Variants in CNOT9 observed in about 807,000 individuals in gnomAD.
The protein encoded by CNOT9 is CCR4-NOT transcription complex subunit 9, also known as RCD1 required for cell differentiation1 homolog.
CNOT9 carries 8 observed loss-of-function variants against 37.4 expected under a neutral mutation model. The observed-to-expected ratio is 0.21, with a 90% CI of 0.13 to 0.39. The LOEUF (loss-of-function observed/expected upper bound fraction) is 0.39. Among genes scored for constraint, CNOT9 ranks in the 10% least tolerant of loss-of-function variants. The probability of loss-of-function intolerance (pLI) is 1.00; values close to 1 mark genes in which losing one functional copy is unlikely to be tolerated. For missense variants in CNOT9, 154 were observed against 365.3 expected, an observed-to-expected ratio of 0.42 and a Z score of 4.71; for synonymous variants, 120 against 137.6, an observed-to-expected ratio of 0.87 and a Z score of 0.90.
chr2:218,578,127 C>T (rs1253814868), intron 1 of CNOT9, among the ~76,000 whole-genome samples: 2 of 152,182 alleles, frequency 1.3e-5, no homozygotes, highest in African/African-American at 2.4e-5. Flanking sequence ...AAAAAGCTAC[C>T]ATATTCCTTC....
At position 218,569,687 on chromosome 2, in the gene CNOT9, A is replaced by G. The variant is rs1002778642; in HGVS notation, c.24+709A>G. 2.6e-5 allele frequency among the ~76,000 whole-genome samples: 4 copies of G among 152,182 alleles called. No homozygotes were observed. In the South Asian group the frequency reaches 8.3e-4, roughly 32 times the overall value. On this transcript the variant is annotated intron_variant, in intron 1 of 7. Coordinates refer to ENST00000273064, the MANE Select transcript of CNOT9 (RefSeq NM_005444.3). ...GTCTCTTGCTCCTAAAGCTTCAGCT[A>G]CTCTGGCCACCTAACCCTCTGCAAC...
intron 1 of CNOT9, among the ~76,000 whole-genome samples, chr2:218,577,655 G>C (rs1442012558): frequency 6.6e-6 from 1 of 152,190 alleles, no homozygotes; most frequent in African/African-American, 2.4e-5. Context: ...GAATATGTAG[G>C]GATGGGGCCT....
At chr2:218,591,034 G>C (rs1293393597) in intron 5 of CNOT9, among the ~76,000 whole-genome samples, 4 of 151,970 alleles carry the variant, frequency 2.6e-5, no homozygotes, top group Non-Finnish European at 5.9e-5. Context: ...TACATTTAAG[G>C]CCTACTTGGA....
At chr2:218,593,510 A>C (rs1201584268) in intron 7 of CNOT9, 59 of 1,454,066 alleles carry the variant, frequency 4.1e-5, no homozygotes, top group Non-Finnish European at 5.2e-5. Context: ...ACACATAGTT[A>C]ACATTTACCT....
rs57839540 is a variant in CNOT9, at chr2:218,595,404, C to CTTTTTTTTTTTTTTTTTTTTTTTTTT, written c.*1131_*1156dup. On this transcript the variant is annotated 3_prime_UTR_variant, in exon 8 of 8. Coordinates refer to ENST00000273064, the MANE Select transcript of CNOT9 (RefSeq NM_005444.3). ...GAGGGCTGGGTTCTGCTCACTCAGT[C>CTTTTTTTTTTTTTTTTTTTTTTTTTT]TTTTTTTTTTTTTTTTTTTTTTTTT... 46 of 50,940 alleles carry CTTTTTTTTTTTTTTTTTTTTTTTTTT rather than the reference C, an allele frequency of 9.0e-4. 8 individuals are homozygous for CTTTTTTTTTTTTTTTTTTTTTTTTTT. The highest frequency in any genetic ancestry group is 3.2e-3 in the East Asian group (3 of 944). The allele number at this position is 50,940 out of a possible 1,614,324, so 3.2% of individuals were successfully genotyped here. A position where few individuals can be genotyped will look rare whatever the true frequency, so the allele number is the denominator to read the frequency against.
At position 218,568,899 on chromosome 2, in the gene CNOT9, G is replaced by C. The variant is rs8192611; in HGVS notation, c.-56G>C. On this transcript the variant is annotated 5_prime_UTR_variant, in exon 1 of 8. Transcript: ENST00000273064. ...GTTTTCCGCTGCAGGGGTGCTGAAG[G>C]GGGGACGCGGGTCGGACGCGTCCGG... The C allele has an allele frequency of 1.4e-3, 2,262 of 1,585,974 alleles. 1 individual carries two copies. The highest frequency in any genetic ancestry group is 1.6e-3 in the Non-Finnish European group (1,889 of 1,165,028).
rs1382728496 is a variant in CNOT9 at position 218,568,972 on chromosome 2, G to A, written c.18G>A (p.Thr6=). 6.2e-7 allele frequency: 1 copy of A among 1,611,246 alleles called. No homozygotes were observed. Among genetic ancestry groups the A allele is most frequent in the Non-Finnish European group, 8.5e-7 (1 of 1,178,818 alleles). Residue 6 remains threonine, a synonymous_variant, in exon 1 of 8, where the codon ACG becomes ACA. Coordinates refer to ENST00000273064, the MANE Select transcript of CNOT9 (RefSeq NM_005444.3). MHSLA[T]AAPVPTTLAQ... ...CTCACAACATGCACAGCCTGGCGACGGCTGCGGTGAGTGGCTGGGCCCCCA... is the reference window on the plus strand; with the variant it reads ...CTCACAACATGCACAGCCTGGCGACAGCTGCGGTGAGTGGCTGGGCCCCCA...
In CNOT9 at chr2:218,595,831, A is replaced by C. The variant is rs2106103227; in HGVS notation, c.*1555A>C. Reference sequence around the variant, plus strand: ...AGCCGACTTTCACAAAGAGAGCCGGACTTGTTAGTTGGCTTCTGTCTCTTT... The same window carrying C: ...AGCCGACTTTCACAAAGAGAGCCGGCCTTGTTAGTTGGCTTCTGTCTCTTT... On this transcript the variant is annotated 3_prime_UTR_variant, in exon 8 of 8. Transcript: ENST00000273064. The C allele has an allele frequency of 6.6e-6, 1 of 152,156 alleles. No individual in the cohort carries two copies. The highest frequency in any genetic ancestry group is 1.9e-4 in the East Asian group (1 of 5,182). The allele number at this position is 152,156 out of a possible 1,614,324, so 9.4% of individuals were successfully genotyped here. A position where few individuals can be genotyped will look rare whatever the true frequency, so the allele number is the denominator to read the frequency against.
intron 5 of CNOT9, among the ~76,000 whole-genome samples, chr2:218,588,087 T>C (rs1020760625): frequency 1.3e-5 from 2 of 152,168 alleles, no homozygotes; most frequent in African/African-American, 4.8e-5. Flanking sequence ...ACAGAATTCT[T>C]ACTCATTGTA....
At chr2:218,575,446 C>T (rs11884089) in intron 1 of CNOT9, among the ~76,000 whole-genome samples, 5,805 of 143,544 alleles carry the variant, frequency 0.04, 371 homozygotes, top group African/African-American at 0.14. Context: ...AGTACAGTGG[C>T]TCAGGCTGGA....
intron 1 of CNOT9, among the ~76,000 whole-genome samples, chr2:218,578,458 A>G (rs1475536655): frequency 2.6e-5 from 4 of 152,156 alleles, no homozygotes; most frequent in Admixed American, 6.5e-5. Flanking sequence ...CTTTGTCTTT[A>G]CATCTGTACA....
Position 218,595,665 on chromosome 2 carries a change from G to A in CNOT9, c.*1389G>A, listed in dbSNP as rs1300315530. The A allele has an allele frequency of 6.6e-6, 1 of 151,482 alleles. No homozygotes were observed. Among genetic ancestry groups the A allele is most frequent in the Non-Finnish European group, 1.5e-5 (1 of 67,906 alleles). The allele number at this position is 151,482 out of a possible 1,614,324, so 9.4% of individuals were successfully genotyped here. A position where few individuals can be genotyped will look rare whatever the true frequency, so the allele number is the denominator to read the frequency against. The stretch of plus-strand genomic sequence containing the variant: ...AGATGGGATTGCTTAATCCAACTCT[G>A]GAGAGGGACCAAGTCTTTTCTGCCC... On this transcript the variant is annotated 3_prime_UTR_variant, in exon 8 of 8. Transcript: ENST00000273064.
In CNOT9 at chr2:218,592,736, T is replaced by C. The variant is rs758293790; in HGVS notation, c.731+29T>C. On this transcript the variant is annotated intron_variant, in intron 7 of 7. Coordinates refer to ENST00000273064, the MANE Select transcript of CNOT9 (RefSeq NM_005444.3). This position sits in a 1 kb window ranked among gnomAD's most constrained non-coding sequence, Gnocchi z 4.1. ...AACATTTATAGGATGTATAGGACTTTAGGGAAATACTCTGCTGAACAGTTT... is the reference window on the plus strand; with the variant it reads ...AACATTTATAGGATGTATAGGACTTCAGGGAAATACTCTGCTGAACAGTTT... 1.1e-5 allele frequency: 17 copies of C among 1,559,082 alleles called. No individual in the cohort carries two copies. Among genetic ancestry groups the C allele is most frequent in the East Asian group, 9.0e-5 (4 of 44,592 alleles).
intron 1 of CNOT9, among the ~76,000 whole-genome samples, chr2:218,579,284 T>A (rs1266433434): frequency 1.3e-5 from 2 of 152,232 alleles, no homozygotes; most frequent in Non-Finnish European, 2.9e-5. Flanking sequence ...TGTGTAAGAA[T>A]GTATATGTAT....
intron 4 of CNOT9, among the ~76,000 whole-genome samples, chr2:218,587,121 A>G (rs2106094044): frequency 6.6e-6 from 1 of 152,224 alleles, no homozygotes; most frequent in East Asian, 1.9e-4. Context: ...CAAAGGTACA[A>G]AGACAATTTA....
chr2:218,593,382 C>T (rs1429278344), intron 7 of CNOT9: 1 of 475,234 alleles, frequency 2.1e-6, no homozygotes. Context: ...ACCATTTTAT[C>T]CTGTTCTTCA....
chr2:218,569,495 C>G (rs987179652), intron 1 of CNOT9, among the ~76,000 whole-genome samples: 2 of 152,312 alleles, frequency 1.3e-5, no homozygotes, highest in Middle Eastern at 3.4e-3. Flanking sequence ...CTCGACACAT[C>G]TCGTTTTACC....
intron 1 of CNOT9, among the ~76,000 whole-genome samples, chr2:218,571,571 ATTCT>A (rs1693991923): frequency 1.6e-5 from 2 of 124,864 alleles, no homozygotes; most frequent in Non-Finnish European, 3.5e-5. Flanking sequence ...GGCTTTTGTG[ATTCT>A]TTTTTTTTTT....
intron 3 of CNOT9, among the ~76,000 whole-genome samples, chr2:218,583,726 G>A (rs1436435104): frequency 6.6e-6 from 1 of 152,112 alleles, no homozygotes; most frequent in Non-Finnish European, 1.5e-5. Flanking sequence ...ATGCTAGGTT[G>A]GCACTGACCT....
Sources: gnomAD v4.1 joint callset for allele counts (sites outside exome capture counted in the v4.1 genomes callset) on GRCh38, gnomAD v4.1.1 for gene constraint, Gnocchi (gnomAD v3.1) non-coding constraint, MANE v1.5 for transcripts, NCBI Gene and HGNC (gene_info 2026-07-23, HGNC 2026-07-21) for gene names.